TUBGCP5: variants seen among roughly 807,000 people sequenced by gnomAD.
TUBGCP5 encodes gamma-tubulin complex component 5.
Under a neutral mutation model 134.7 loss-of-function variants are expected in TUBGCP5, and 98 were observed. That is an observed-to-expected ratio of 0.73 (90% CI 0.62 to 0.86). The LOEUF is 0.86. TUBGCP5 is among the 40% of genes least tolerant of loss of function. TUBGCP5 has a pLI of 0.00. For missense variants in TUBGCP5, 1,150 were observed against 1,244.8 expected, an observed-to-expected ratio of 0.92 and a Z score of 1.15; for synonymous variants, 456 against 431.4, an observed-to-expected ratio of 1.06 and a Z score of -0.71.
At chr15:23,032,905 A>G in intron 3 of TUBGCP5, 81 bp from the exon 4 acceptor site, 2 of 1,030,148 alleles carry the variant, frequency 1.9e-6, no homozygotes, top group Non-Finnish European at 2.7e-6. Flanking sequence ...TAACTCCATG[A>G]CAGTTATGTC....
At chr15:22,990,152 C>T (rs965305508) in intron 23 of TUBGCP5, among the ~76,000 whole-genome samples, 1 of 152,172 alleles carries the variant, frequency 6.6e-6, no homozygotes, top group Non-Finnish European at 1.5e-5. Flanking sequence ...CTTCTAGGGA[C>T]ATCCCGAGAG....
chr15:23,001,345 CT>C (rs146709092), intron 21 of TUBGCP5, among the ~76,000 whole-genome samples: 277 of 140,924 alleles, frequency 2.0e-3, no homozygotes, highest in Admixed American at 4.6e-3. Context: ...GCCTGGCTGC[CT>C]TTTTTTTTTT....
chr15:22,988,538 C>T (rs368667135), intron 23 of TUBGCP5, among the ~76,000 whole-genome samples: 81 of 151,448 alleles, frequency 5.3e-4, no homozygotes, highest in South Asian at 1.0e-3. Flanking sequence ...TCGAGACCAT[C>T]CTGGCTAACA....
intron 3 of TUBGCP5, among the ~76,000 whole-genome samples, chr15:23,034,064 T>C (rs146298208): frequency 9.3e-4 from 141 of 152,354 alleles, no homozygotes; most frequent in African/African-American, 3.2e-3. Context: ...TCTTGAAATA[T>C]CTGAACTGGC....
chr15:23,009,914 T>G, intron 15 of TUBGCP5, 31 bp downstream of exon 15: 2 of 1,592,420 alleles, frequency 1.3e-6, no homozygotes, highest in Non-Finnish European at 1.7e-6. Context: ...ATCAACTATT[T>G]ACTACTTCCA....
chr15:23,000,511 C>T, intron 22 of TUBGCP5, 58 bp downstream of exon 22: 2 of 1,591,914 alleles, frequency 1.3e-6, no homozygotes, highest in Non-Finnish European at 1.7e-6. Flanking sequence ...AACAATGACA[C>T]ATACACTTAG....
At chr15:23,004,384 G>A in intron 19 of TUBGCP5, 157 bp from the exon 20 acceptor site, 3 of 882,558 alleles carry the variant, frequency 3.4e-6, no homozygotes, top group Non-Finnish European at 3.3e-6. Flanking sequence ...TTCAAAGGCT[G>A]GCTGGATACT....
intron 14 of TUBGCP5, among the ~76,000 whole-genome samples, chr15:23,010,691 A>T (rs1391292235): frequency 6.6e-6 from 1 of 152,076 alleles, no homozygotes. Flanking sequence ...CTTGTTATAA[A>T]GGATAGGCAT....
intron 15 of TUBGCP5, among the ~76,000 whole-genome samples, chr15:23,009,482 A>T (rs1371919397): frequency 6.6e-6 from 1 of 151,926 alleles, no homozygotes; most frequent in Non-Finnish European, 1.5e-5. Flanking sequence ...GTTAGCCAGG[A>T]TGCTCTCGAT....
At chr15:23,020,205 G>A (rs2065590167) in intron 11 of TUBGCP5, among the ~76,000 whole-genome samples, 1 of 151,946 alleles carries the variant, frequency 6.6e-6, no homozygotes, top group Non-Finnish European at 1.5e-5. Context: ...TCAGGAGCTC[G>A]AGACCAGCCT....
intron 1 of TUBGCP5, among the ~76,000 whole-genome samples, chr15:23,038,209 CGA>C (rs909249539): frequency 6.6e-6 from 1 of 152,026 alleles, no homozygotes; most frequent in Non-Finnish European, 1.5e-5. Context: ...AGTATCAAAG[CGA>C]GCAATCTGTA....
chr15:23,017,247 G>A (rs928261332), intron 13 of TUBGCP5, among the ~76,000 whole-genome samples: 1 of 151,972 alleles, frequency 6.6e-6, no homozygotes, highest in African/African-American at 2.4e-5. Context: ...ATAAGTTCTA[G>A]TGCTCTGTAT....
chr15:23,000,013 C>T, intron 22 of TUBGCP5, 147 bp from the exon 23 acceptor site: 1 of 736,468 alleles, frequency 1.4e-6, no homozygotes, highest in Non-Finnish European at 2.2e-6. Flanking sequence ...CGGGTTCAAG[C>T]AATTTTCCTG....
intron 23 of TUBGCP5, among the ~76,000 whole-genome samples, chr15:22,993,597 T>C (rs1286949459): frequency 7.4e-6 from 1 of 136,048 alleles, no homozygotes; most frequent in Non-Finnish European, 1.5e-5. Context: ...CAGGCTGGAG[T>C]GTAATGGTGC....
chr15:23,020,014 C>A (rs1214931402), intron 11 of TUBGCP5, among the ~76,000 whole-genome samples: 1 of 151,630 alleles, frequency 6.6e-6, no homozygotes, highest in African/African-American at 2.4e-5. Flanking sequence ...CATGGTGGCT[C>A]ACGCCTGTAA....
chr15:22,989,842 A>G (rs2063794418), intron 23 of TUBGCP5, among the ~76,000 whole-genome samples: 1 of 152,100 alleles, frequency 6.6e-6, no homozygotes, highest in Admixed American at 6.6e-5. Context: ...CTTGGTTGGG[A>G]GCTTAGAGTT....
At chr15:23,019,415 G>T in intron 11 of TUBGCP5, 81 bp from the exon 12 acceptor site, 2 of 872,264 alleles carry the variant, frequency 2.3e-6, no homozygotes, top group Non-Finnish European at 3.7e-6. Context: ...TTTCTGAAAT[G>T]CCTTTAAAAA....
intron 1 of TUBGCP5, among the ~76,000 whole-genome samples, chr15:23,038,236 CACT>C (rs1326548024): frequency 1.3e-5 from 2 of 152,114 alleles, no homozygotes; most frequent in Non-Finnish European, 2.9e-5. Context: ...AATAAAATTA[CACT>C]ACTGAAAAAC....
chr15:23,012,283 A>C (rs1029892544), intron 13 of TUBGCP5, among the ~76,000 whole-genome samples: 1 of 152,164 alleles, frequency 6.6e-6, no homozygotes, highest in Non-Finnish European at 1.5e-5. Context: ...TATTCCACAA[A>C]GTGAAAATAA....
Sources: allele counts gnomAD v4.1 joint callset (sites outside exome capture counted in the v4.1 genomes callset), GRCh38; gene constraint gnomAD v4.1.1; transcripts MANE v1.5; gene names NCBI Gene and HGNC (gene_info 2026-07-23, HGNC 2026-07-21).